Variants in ANGPTL2 observed in about 807,000 individuals in gnomAD.
ANGPTL2 encodes angiopoietin-related protein 2.
ANGPTL2 carries 25 observed loss-of-function variants against 52.8 expected under a neutral mutation model. The ratio of observed to expected loss-of-function variants is 0.47; its 90% CI spans 0.35 to 0.66. ANGPTL2 has a LOEUF of 0.66. Ranked by LOEUF, ANGPTL2 falls within the 30% of genes least tolerant of loss-of-function variation. The pLI is 0.01. For synonymous variants in ANGPTL2, 276 were observed against 277.4 expected, an observed-to-expected ratio of 1.00 and a Z score of 0.05; for missense variants, 546 against 656.9, an observed-to-expected ratio of 0.83 and a Z score of 1.84.
rs763622825 is a variant in ANGPTL2 at position 127,108,558 on chromosome 9, G to A, written c.174C>T (p.Phe58=). The change falls in exon 2 of 5, where the codon TTC becomes TTT. Residue 58 remains phenylalanine, a synonymous_variant. Coordinates refer to ENST00000373425, the MANE Select transcript of ANGPTL2 (RefSeq NM_012098.3). The part of the protein sequence containing the change: ...GESQDKCTYT[F]IVPQQRVTGA... ...CCGTGACCCGCTGCTGGGGCACAAT[G>A]AAGGTGTAGGTGCACTTGTCCTGGG... The A allele has an allele frequency of 2.5e-6, 4 of 1,613,552 alleles. No homozygotes were observed. The highest frequency in any genetic ancestry group is 3.4e-6 in the Non-Finnish European group (4 of 1,179,858).
intron 1 of ANGPTL2, among the ~76,000 whole-genome samples, chr9:127,119,453 G>A (rs2055812820): frequency 6.6e-6 from 1 of 152,198 alleles, no homozygotes; most frequent in Admixed American, 6.5e-5. Context: ...GTGAGAGGAA[G>A]TCAGGGGCTT....
Position 127,091,672 on chromosome 9 carries a change from G to T in ANGPTL2, c.1280C>A (p.Thr427Lys), listed in dbSNP as rs747860652. 1 of 1,613,336 alleles carries T rather than the reference G, an allele frequency of 6.2e-7. No individual in the cohort carries two copies. Among genetic ancestry groups the T allele is most frequent in the Non-Finnish European group, 8.5e-7 (1 of 1,179,898 alleles). Residue 427 changes from threonine to lysine, a missense_variant and splice_region_variant, in exon 4 of 5, where the codon ACA (threonine) becomes AAA (lysine). Around this residue, in one of 2 missense-constraint regions of ANGPTL2, gnomAD observed 261 missense variants for 361.0 expected, o/e 0.72. Transcript: ENST00000373425. This position sits in a 1 kb window ranked among gnomAD's most constrained non-coding sequence, Gnocchi z 4.3. ...GGGTTTGACTCCACTTTTCCTACCT[G>T]TGTAGACATCATGATCTCTGTCCAG... is the stretch of plus-strand genomic sequence containing the variant. ...TTLDRDHDVY[T>K]GNCAHYQKGG...
chr9:127,108,292 C>A lies in ANGPTL2; in HGVS notation c.440G>T (p.Arg147Leu). The A allele has an allele frequency of 3.1e-6, 5 of 1,613,948 alleles. No individual in the cohort carries two copies. Among genetic ancestry groups the A allele is most frequent in the Non-Finnish European group, 4.2e-6 (5 of 1,179,972 alleles). ...LYMQLLHEII[R>L]KRDNALELSQ... ...GAGCTCCAACGCGTTGTCCCGCTTG[C>A]GGATGATCTCGTGCAGGAGCTGCAT... Residue 147 changes from arginine to leucine, a missense_variant, in exon 2 of 5, where the codon CGC (arginine) becomes CTC (leucine). By Grantham distance (102) the Arg-to-Leu change is moderately radical. Transcript: ENST00000373425.
Position 127,108,024 on chromosome 9 carries a change from C to G in ANGPTL2, c.708G>C (p.Gln236His). 1 of 1,593,200 alleles carries G rather than the reference C, an allele frequency of 6.3e-7. No homozygotes were observed. The highest frequency in any genetic ancestry group is 8.6e-7 in the Non-Finnish European group (1 of 1,169,394). ...CACTCTGGATCTCGTTGGTAGAGAT[C>G]TGGTTGATGATGCGGTTGTAGGTGG... ...QPPTYNRIIN[Q>H]ISTNEIQSDQ... The change falls in exon 2 of 5, where the codon CAG becomes CAC. Residue 236 changes from glutamine to histidine, a missense_variant. This residue lies in a region of ANGPTL2 where 261 missense variants were observed against 361.0 expected (regional missense o/e 0.72). Transcript: ENST00000373425.
intron 1 of ANGPTL2, among the ~76,000 whole-genome samples, chr9:127,114,264 C>G (rs527395495): frequency 6.6e-6 from 1 of 152,166 alleles, no homozygotes; most frequent in East Asian, 1.9e-4. Context: ...CACAAAGATA[C>G]TTTTAAGGCT....
Position 127,101,398 on chromosome 9 carries a change from T to C in ANGPTL2, c.817+6517A>G, listed in dbSNP as rs147612528. On this transcript the variant is annotated intron_variant, in intron 2 of 4. Coordinates refer to ENST00000373425, the MANE Select transcript of ANGPTL2 (RefSeq NM_012098.3). ...TTGGGGATCTGTGTCCCCATAAGACTGTGGGCTCCTTTCAGGCAGGAACCC... is the reference window on the plus strand; with the variant it reads ...TTGGGGATCTGTGTCCCCATAAGACCGTGGGCTCCTTTCAGGCAGGAACCC... Among the ~76,000 whole-genome samples the C allele has an allele frequency of 1.3e-3, 204 of 152,338 alleles. 2 individuals carry two copies. Among genetic ancestry groups the C allele is most frequent in the Non-Finnish European group, 2.5e-3 (170 of 68,032 alleles).
intron 3 of ANGPTL2, among the ~76,000 whole-genome samples, chr9:127,093,058 A>G (rs1281161): frequency 0.023 from 3,565 of 152,180 alleles, 47 homozygotes; most frequent in Middle Eastern, 0.051. Context: ...TTGATACGAG[A>G]TTAAACAAAA....
chr9:127,107,947 G>C lies in ANGPTL2; in HGVS notation c.785C>G (p.Thr262Ser). The change falls in exon 2 of 5, where the codon ACC (threonine) becomes AGC (serine). Residue 262 changes from threonine (T) to serine (S), a missense_variant. Thr to Ser is a moderately conservative substitution (Grantham distance 58). This residue lies in a region of ANGPTL2 where 261 missense variants were observed against 361.0 expected (regional missense o/e 0.72). Coordinates refer to ENST00000373425, the MANE Select transcript of ANGPTL2 (RefSeq NM_012098.3). Reference sequence around the variant, plus strand: ...CTTGTCGGTGGAAGATGGGAGGCTGGTGAGAGTGGGCATAGTGGGCAGAGG... The same window carrying C: ...CTTGTCGGTGGAAGATGGGAGGCTGCTGAGAGTGGGCATAGTGGGCAGAGG... The part of the protein sequence containing the change: ...PPPLPTMPTL[T>S]SLPSSTDKPS... 1 of 1,545,152 alleles carries C rather than the reference G, an allele frequency of 6.5e-7. No individual in the cohort carries two copies. Among genetic ancestry groups the C allele is most frequent in the Non-Finnish European group, 8.8e-7 (1 of 1,140,786 alleles).
chr9:127,106,893 C>G (rs1037450497), intron 2 of ANGPTL2: 2 of 152,168 alleles, frequency 1.3e-5, no homozygotes, highest in African/African-American at 4.8e-5. Context: ...CTCTCCCTGC[C>G]TATACAATGA....
At chr9:127,101,812 T>A (rs2053757876) in intron 2 of ANGPTL2, among the ~76,000 whole-genome samples, 1 of 152,186 alleles carries the variant, frequency 6.6e-6, no homozygotes, top group African/African-American at 2.4e-5. Context: ...AGCTGTTGCA[T>A]TTATAACGTA....
intron 2 of ANGPTL2, among the ~76,000 whole-genome samples, chr9:127,100,532 C>T (rs1419526125): frequency 2.0e-5 from 3 of 152,192 alleles, no homozygotes; most frequent in South Asian, 2.1e-4. Flanking sequence ...TTAGTGGTCT[C>T]ACTGTGTACA....
chr9:127,092,459 T>C (rs2052601701), intron 3 of ANGPTL2, among the ~76,000 whole-genome samples: 1 of 152,230 alleles, frequency 6.6e-6, no homozygotes, highest in Non-Finnish European at 1.5e-5. Context: ...TATTGTTTTT[T>C]TTTGCATGTG....
At chr9:127,092,653 G>C (rs919477084) in intron 3 of ANGPTL2, among the ~76,000 whole-genome samples, 1 of 152,108 alleles carries the variant, frequency 6.6e-6, no homozygotes, top group African/African-American at 2.4e-5. Context: ...ATCCTCCCTA[G>C]TATGGATGAA....
chr9:127,105,830 A>G (rs999092), intron 2 of ANGPTL2, among the ~76,000 whole-genome samples: 58,486 of 152,096 alleles, frequency 0.38, 12,912 homozygotes, highest in Non-Finnish European at 0.48. Flanking sequence ...GTCAGGGACC[A>G]CAATTGTCAC....
intron 2 of ANGPTL2, among the ~76,000 whole-genome samples, chr9:127,097,792 C>T (rs79578551): frequency 0.081 from 12,342 of 152,226 alleles, 1,642 homozygotes; most frequent in African/African-American, 0.28. Flanking sequence ...GCTGAGGAAG[C>T]GAGGGCTGGA....
Position 127,108,423 on chromosome 9 carries a change from G to A in ANGPTL2, c.309C>T (p.Ile103=), listed in dbSNP as rs141794341. The A allele has an allele frequency of 4.5e-5, 72 of 1,608,192 alleles. 1 individual carries two copies. The highest frequency in any genetic ancestry group is 1.6e-4 in the Middle Eastern group (1 of 6,074). ...NNELLKQKRQ[I]ETLQQLVEVD... ...CCTCCACCAGCTGCTGCAGCGTCTC[G>A]ATCTGCCGCTTCTGCTTGAGCAGCT... is the stretch of plus-strand genomic sequence containing the variant. The change falls in exon 2 of 5, where the codon ATC becomes ATT. Residue 103 remains isoleucine (I), a synonymous_variant. Transcript: ENST00000373425.
In ANGPTL2 at chr9:127,119,668, GA is replaced by G. The variant is rs375285031; in HGVS notation, c.-50+2646del. Among the ~76,000 whole-genome samples the G allele has an allele frequency of 3.1e-3, 476 of 152,340 alleles. 6 individuals carry two copies. The highest frequency in any genetic ancestry group is 0.011 in the African/African-American group (461 of 41,574). On this transcript the variant is annotated intron_variant, in intron 1 of 4. Coordinates refer to ENST00000373425, the MANE Select transcript of ANGPTL2 (RefSeq NM_012098.3). Reference sequence around the variant, plus strand: ...GTGGGTACTTCCTAAATCACTGGGGGATGGAGGGCCAGATGGAGGAACAGCT... The same window carrying G: ...GTGGGTACTTCCTAAATCACTGGGGGTGGAGGGCCAGATGGAGGAACAGCT...
intron 1 of ANGPTL2, among the ~76,000 whole-genome samples, chr9:127,119,439 T>A (rs540514915): frequency 6.6e-6 from 1 of 152,288 alleles, no homozygotes; most frequent in East Asian, 1.9e-4. Context: ...AACAAGGCAC[T>A]GAAGTGAGAG....
intron 2 of ANGPTL2, among the ~76,000 whole-genome samples, chr9:127,095,127 G>A (rs1278776978): frequency 2.6e-5 from 4 of 152,218 alleles, no homozygotes; most frequent in Non-Finnish European, 4.4e-5. Context: ...GGCCGGGCAC[G>A]GTGGCTCACG....
Sources: allele counts gnomAD v4.1 joint callset (sites outside exome capture counted in the v4.1 genomes callset), GRCh38; gene constraint gnomAD v4.1.1; regional missense constraint gnomAD v4.1.1; non-coding constraint Gnocchi (gnomAD v3.1); transcripts MANE v1.5; gene names NCBI Gene and HGNC (gene_info 2026-07-23, HGNC 2026-07-21).